Variants in RGS22 observed in about 807,000 individuals in gnomAD.
The protein encoded by RGS22 is regulator of G-protein signaling 22.
In RGS22, 148 loss-of-function variants were observed where a neutral mutation model predicts 172.9. The ratio of observed to expected loss-of-function variants is 0.86; its 90% CI spans 0.75 to 0.98. The LOEUF is 0.98. RGS22 is among the 50% of genes least tolerant of loss of function. The pLI is 0.00. For missense variants in RGS22, 1,347 were observed against 1,440.8 expected (o/e 0.93, Z 1.05); for synonymous variants, 458 against 480.2 (o/e 0.95, Z 0.60).
intron 14 of RGS22, among the ~76,000 whole-genome samples, chr8:100,025,515 T>C (rs888574306): frequency 1.3e-5 from 2 of 152,166 alleles, no homozygotes; most frequent in African/African-American, 4.8e-5. Context: ...ATGCTGCTGC[T>C]GAATAGAGAA....
chr8:100,023,343 G>A (rs973747141), intron 14 of RGS22, among the ~76,000 whole-genome samples: 11 of 152,184 alleles, frequency 7.2e-5, no homozygotes, highest in African/African-American at 2.4e-4. Flanking sequence ...TCAAGGGCAT[G>A]TCAAGGTCTG....
intron 10 of RGS22, among the ~76,000 whole-genome samples, chr8:100,047,929 T>C (rs771598736): frequency 3.3e-5 from 5 of 150,080 alleles, no homozygotes; most frequent in South Asian, 4.3e-4. Flanking sequence ...TAGAGCTAGA[T>C]GTATGTATGT....
chr8:99,987,313 C>T, intron 21 of RGS22, 145 bp downstream of exon 21: 1 of 514,082 alleles, frequency 1.9e-6, no homozygotes, highest in Non-Finnish European at 3.4e-6. Flanking sequence ...CAATAAACAT[C>T]TCAATATTTA....
At position 100,004,089 on chromosome 8, in the gene RGS22, A is replaced by G. The variant is rs781335028; in HGVS notation, c.2464T>C (p.Cys822Arg). Residue 822 changes from cysteine (C) to arginine (R), a missense_variant, in exon 17 of 28, where the codon TGT (cysteine) becomes CGT (arginine). Cys to Arg is a radical substitution (Grantham distance 180). Transcript: ENST00000360863. ...TFSKKAEDTT[C>R]EIGTGILSLS... is the part of the protein sequence containing the mutation. ...GATAAAATGCCAGTTCCAATTTCAC[A>G]AGTGGTGTCCTAGTGAAATAGTACT... 6.2e-7 allele frequency: 1 copy of G among 1,600,742 alleles called. No individual in the cohort carries two copies. Among genetic ancestry groups the G allele is most frequent in the Non-Finnish European group, 8.5e-7 (1 of 1,172,946 alleles).
At chr8:99,972,286 C>A (rs1030977456) in intron 23 of RGS22, among the ~76,000 whole-genome samples, 1 of 151,988 alleles carries the variant, frequency 6.6e-6, no homozygotes, top group African/African-American at 2.4e-5. Context: ...AAACCTAAAA[C>A]AATTAAAAAC....
At chr8:100,090,784 A>C (rs1251482381) in intron 3 of RGS22, among the ~76,000 whole-genome samples, 1 of 152,134 alleles carries the variant, frequency 6.6e-6, no homozygotes, top group African/African-American at 2.4e-5. Flanking sequence ...AGCATAAAGA[A>C]AGTCAGTCAG....
At chr8:100,018,963 TTTA>T (rs1324170683) in intron 14 of RGS22, among the ~76,000 whole-genome samples, 1 of 145,054 alleles carries the variant, frequency 6.9e-6, no homozygotes, top group Non-Finnish European at 1.5e-5. Context: ...GTTTATTGAA[TTTA>T]TTGTTTTTAA....
At chr8:100,000,054 T>C (rs1456552932) in intron 18 of RGS22, among the ~76,000 whole-genome samples, 1 of 152,198 alleles carries the variant, frequency 6.6e-6, no homozygotes, top group Non-Finnish European at 1.5e-5. Context: ...GTTTTATAGA[T>C]AATAAGTACC....
At position 100,022,084 on chromosome 8, in the gene RGS22, G is replaced by A. The variant is rs528204231; in HGVS notation, c.2167-13515C>T. 2.2e-4 allele frequency among the ~76,000 whole-genome samples: 33 copies of A among 152,188 alleles called. 1 individual carries two copies. The highest frequency in any genetic ancestry group is 3.4e-3 in the Middle Eastern group (1 of 294). On this transcript the variant is annotated intron_variant, in intron 14 of 27. Coordinates refer to ENST00000360863, the MANE Select transcript of RGS22 (RefSeq NM_015668.5). Reference sequence around the variant, plus strand: ...AAAAACATTACTGAGGAGCTATGCCGAGAGCGACTAAATTACAGATGGAGC... The same window carrying A: ...AAAAACATTACTGAGGAGCTATGCCAAGAGCGACTAAATTACAGATGGAGC...
chr8:100,028,873 T>C (rs1818463410), intron 14 of RGS22, among the ~76,000 whole-genome samples: 1 of 152,206 alleles, frequency 6.6e-6, no homozygotes, highest in African/African-American at 2.4e-5. Flanking sequence ...GCATAACATG[T>C]GGCTGCTTCT....
chr8:100,030,802 A>C (rs1284441303), intron 14 of RGS22, among the ~76,000 whole-genome samples: 1 of 152,228 alleles, frequency 6.6e-6, no homozygotes, highest in Non-Finnish European at 1.5e-5. Context: ...GATAGTCTTC[A>C]GGAATTAAAC....
At chr8:100,029,924 A>T (rs1052893609) in intron 14 of RGS22, among the ~76,000 whole-genome samples, 6 of 152,222 alleles carry the variant, frequency 3.9e-5, no homozygotes, top group Non-Finnish European at 4.4e-5. Context: ...AAATGATTTA[A>T]CTCAATGGGT....
intron 4 of RGS22, among the ~76,000 whole-genome samples, chr8:100,074,806 C>T (rs577728201): frequency 1.6e-4 from 24 of 151,672 alleles, no homozygotes; most frequent in South Asian, 4.2e-4. Context: ...CTCGCTCTAT[C>T]GCCCAGGCTG....
At chr8:100,047,765 T>C (rs1018036297) in intron 10 of RGS22, among the ~76,000 whole-genome samples, 169 bp from the exon 11 acceptor site, 2 of 152,180 alleles carry the variant, frequency 1.3e-5, no homozygotes, top group African/African-American at 2.4e-5. Flanking sequence ...CCTACTTTTA[T>C]GCAAGCTGCA....
At chr8:99,977,270 ATTTTTTTTTT>A (rs895569407) in intron 23 of RGS22, among the ~76,000 whole-genome samples, 17 of 120,390 alleles carry the variant, frequency 1.4e-4, no homozygotes, top group Admixed American at 3.6e-4. Context: ...CGCCCGGTTA[ATTTTTTTTTT>A]TTTTTTTTTT....
chr8:100,052,989 A>G lies in RGS22; in HGVS notation c.1515-13T>C. 2 of 1,610,248 alleles carry G rather than the reference A, an allele frequency of 1.2e-6. No individual in the cohort carries two copies. The highest frequency in any genetic ancestry group is 8.5e-7 in the Non-Finnish European group (1 of 1,177,100). Reference sequence around the variant, plus strand: ...GAATCTTGGTGCCCTGTTTATTGGAAAAATAAATGTAAGATTGAACTAAAC... The same window carrying G: ...GAATCTTGGTGCCCTGTTTATTGGAGAAATAAATGTAAGATTGAACTAAAC... On this transcript the variant is annotated splice_polypyrimidine_tract_variant and intron_variant, in intron 9 of 27. Coordinates refer to ENST00000360863, the MANE Select transcript of RGS22 (RefSeq NM_015668.5).
At chr8:100,038,236 A>G (rs1054056862) in intron 14 of RGS22, among the ~76,000 whole-genome samples, 9 of 152,168 alleles carry the variant, frequency 5.9e-5, no homozygotes, top group Admixed American at 5.9e-4. Flanking sequence ...TGCAAAAATA[A>G]GTCAGCTTGA....
chr8:100,026,020 G>A (rs1818137189), intron 14 of RGS22, among the ~76,000 whole-genome samples: 2 of 151,646 alleles, frequency 1.3e-5, no homozygotes, highest in South Asian at 2.1e-4. Context: ...CACAGCCTAA[G>A]GTATAGTAGG....
In RGS22 at chr8:100,052,888, T is replaced by G; in HGVS notation, c.1603A>C (p.Arg535=). ...TGTGGAAAAGGGTCAATATCCTTCC[T>G]TGGTTTTGCTTGACGGAGGTGCCAG... ...KFWHLRQAKP[R]KDIDPFPQMA... The change falls in exon 10 of 28, where the codon AGG becomes CGG. Residue 535 remains arginine (R), a synonymous_variant. Transcript: ENST00000360863. The G allele has an allele frequency of 6.2e-7, 1 of 1,614,136 alleles. No individual in the cohort carries two copies. Among genetic ancestry groups the G allele is most frequent in the East Asian group, 2.2e-5 (1 of 44,854 alleles).
Sources: allele counts gnomAD v4.1 joint callset (sites outside exome capture counted in the v4.1 genomes callset), GRCh38; gene constraint gnomAD v4.1.1; transcripts MANE v1.5; gene names NCBI Gene and HGNC (gene_info 2026-07-23, HGNC 2026-07-21).